Variants in CCDC18 observed in about 807,000 individuals in gnomAD.
The protein encoded by CCDC18 is coiled-coil domain containing 18, also known as coiled-coil domain-containing protein 18.
In CCDC18, 157 loss-of-function variants were observed where a neutral mutation model predicts 196.0. The ratio of observed to expected loss-of-function variants is 0.80; its 90% CI spans 0.70 to 0.91. The LOEUF is 0.91. Among genes scored for constraint, CCDC18 ranks in the 40% least tolerant of loss-of-function variants. The pLI, the probability that CCDC18 is intolerant of heterozygous loss-of-function variation, is 0.00. For synonymous variants in CCDC18, 482 were observed against 529.2 expected (o/e 0.91, Z 1.22); for missense variants, 1,465 against 1,611.6 (o/e 0.91, Z 1.56).
intron 6 of CCDC18, among the ~76,000 whole-genome samples, chr1:93,195,519 A>T (rs1012070071): frequency 6.6e-6 from 1 of 152,170 alleles, no homozygotes; most frequent in Admixed American, 6.5e-5. Context: ...TGTCCCCCCA[A>T]TTTTTTGTAT....
chr1:93,231,885 C>A (rs997475779), intron 17 of CCDC18, among the ~76,000 whole-genome samples: 2 of 152,084 alleles, frequency 1.3e-5, no homozygotes, highest in East Asian at 1.9e-4. Context: ...TTTTATGGCT[C>A]TAGTTTATTA....
intron 17 of CCDC18, among the ~76,000 whole-genome samples, chr1:93,229,172 A>G (rs888049702): frequency 6.6e-6 from 1 of 152,214 alleles, no homozygotes; most frequent in Non-Finnish European, 1.5e-5. Context: ...GGTATATTTG[A>G]CCAGACTAGG....
chr1:93,220,697 T>C (rs1657292742), intron 14 of CCDC18, among the ~76,000 whole-genome samples: 1 of 152,118 alleles, frequency 6.6e-6, no homozygotes, highest in Non-Finnish European at 1.5e-5. Context: ...ATGTGTGCCA[T>C]GGTGGTTTGC....
At chr1:93,233,524 C>G (rs111334092) in intron 18 of CCDC18, among the ~76,000 whole-genome samples, 103 of 152,112 alleles carry the variant, frequency 6.8e-4, no homozygotes, top group African/African-American at 2.2e-3. Context: ...TCTACTTGTT[C>G]TGAAGTCCTC....
chr1:93,223,291 T>A (rs1331043308), intron 16 of CCDC18, among the ~76,000 whole-genome samples: 2 of 152,208 alleles, frequency 1.3e-5, no homozygotes, highest in African/African-American at 4.8e-5. Flanking sequence ...TCCTTTAACA[T>A]CTTTAGCAGG....
chr1:93,254,224 G>A (rs144802138), intron 23 of CCDC18, among the ~76,000 whole-genome samples: 67 of 152,278 alleles, frequency 4.4e-4, no homozygotes, highest in African/African-American at 1.4e-3. Flanking sequence ...TTATAGTGGT[G>A]AAGTCTGAGA....
intron 24 of CCDC18, among the ~76,000 whole-genome samples, chr1:93,255,990 CATAG>C (rs1181232457): frequency 1.3e-5 from 2 of 152,108 alleles, no homozygotes; most frequent in Non-Finnish European, 2.9e-5. Flanking sequence ...CTGTCTTTGA[CATAG>C]ATAATCAAAT....
Position 93,214,821 on chromosome 1 carries a change from TAGA to T in CCDC18, c.1579_1581del (p.Glu527del). The T allele has an allele frequency of 6.2e-7, 1 of 1,613,538 alleles. No individual in the cohort carries two copies. ...GAGAGGCAAAGACTTGTTACTGGAA[TAGA>T]AGAACTACGTACTAAGCTGATACAA... On this transcript the variant is annotated inframe_deletion, in exon 12 of 29. Transcript: ENST00000690025.
intron 6 of CCDC18, among the ~76,000 whole-genome samples, chr1:93,196,531 T>C (rs1652764376): frequency 3.3e-5 from 5 of 152,222 alleles, no homozygotes; most frequent in Admixed American, 3.3e-4. Flanking sequence ...AACTTATATG[T>C]ATCTAATAAT....
intron 6 of CCDC18, among the ~76,000 whole-genome samples, chr1:93,195,576 A>G (rs11164882): frequency 0.83 from 125,953 of 152,190 alleles, 52,352 homozygotes; most frequent in East Asian, 1. Flanking sequence ...GGGGCATTTT[A>G]GAGGTACTTA....
intron 23 of CCDC18, among the ~76,000 whole-genome samples, chr1:93,251,311 T>C (rs1045869520): frequency 1.1e-4 from 16 of 152,204 alleles, no homozygotes; most frequent in Admixed American, 3.3e-4. Context: ...TCTGAATAAA[T>C]TGTTGTAATT....
rs763690473 is a variant in CCDC18, at chr1:93,183,479, G to A, written c.118G>A (p.Gly40Arg). 2 of 1,594,778 alleles carry A rather than the reference G, an allele frequency of 1.3e-6. No individual in the cohort carries two copies. Among genetic ancestry groups the A allele is most frequent in the South Asian group, 1.2e-5 (1 of 86,374 alleles). The change falls in exon 2 of 29, where the codon GGG (glycine) becomes AGG (arginine). Residue 40 changes from glycine to arginine, a missense_variant. Physicochemically the swap from Gly to Arg is moderately radical, Grantham distance 125. Transcript: ENST00000690025. ...AACAGAATGGAGTTTGCAGAGTTTA[G>A]GGGAAGAGTTATCCAGGTAAGTAAG... Reference protein sequence around the residue: ...KITEWSLQSLGEELSSVSPSE... With the variant: ...KITEWSLQSLREELSSVSPSE...
At chr1:93,247,013 T>A in intron 23 of CCDC18, 59 bp downstream of exon 23, 1 of 722,388 alleles carries the variant, frequency 1.4e-6, no homozygotes. Flanking sequence ...AAACTGTAAC[T>A]AAAAACACCC....
chr1:93,230,192 T>C (rs965000394), intron 17 of CCDC18, among the ~76,000 whole-genome samples: 1 of 152,008 alleles, frequency 6.6e-6, no homozygotes, highest in African/African-American at 2.4e-5. Flanking sequence ...CAATTTGTTC[T>C]GTATTTACTT....
At chr1:93,241,087 T>A (rs971839807) in intron 21 of CCDC18, among the ~76,000 whole-genome samples, 6 of 152,040 alleles carry the variant, frequency 3.9e-5, no homozygotes, top group African/African-American at 1.2e-4. Context: ...ACCAAGTAAC[T>A]GGGATTACAG....
chr1:93,231,896 T>C (rs1280186200), intron 17 of CCDC18, among the ~76,000 whole-genome samples: 2 of 152,198 alleles, frequency 1.3e-5, no homozygotes, highest in East Asian at 3.8e-4. Flanking sequence ...TAGTTTATTA[T>C]TAGAAAGGGT....
At chr1:93,269,908 A>C (rs1665069202) in intron 27 of CCDC18, 1 of 152,736 alleles carries the variant, frequency 6.5e-6, no homozygotes, top group African/African-American at 2.4e-5. Flanking sequence ...TCTTGTAATG[A>C]GAACACAAAA....
intron 1 of CCDC18, among the ~76,000 whole-genome samples, chr1:93,181,882 T>G (rs1193049628): frequency 6.6e-6 from 1 of 152,234 alleles, no homozygotes; most frequent in East Asian, 1.9e-4. Context: ...CCCAAAGTGC[T>G]GGGATTACCG....
chr1:93,256,609 A>T, intron 25 of CCDC18, 71 bp downstream of exon 25: 1 of 1,234,470 alleles, frequency 8.1e-7, no homozygotes, highest in Non-Finnish European at 1.2e-6. Context: ...TGAACTGTAG[A>T]ATATAGTTCT....
Sources: gnomAD v4.1 joint callset for allele counts (sites outside exome capture counted in the v4.1 genomes callset) on GRCh38, gnomAD v4.1.1 for gene constraint, MANE v1.5 for transcripts, NCBI Gene and HGNC (gene_info 2026-07-23, HGNC 2026-07-21) for gene names.